Variants in SCRN1 observed in about 807,000 individuals in gnomAD.
SCRN1 encodes secernin-1.
A neutral mutation model predicts 43.3 loss-of-function variants in SCRN1; 19 were observed. That is an observed-to-expected ratio of 0.44 (90% CI 0.31 to 0.64). The LOEUF (loss-of-function observed/expected upper bound fraction) is 0.64, where lower values mean the gene tolerates loss of function less well. Among genes scored for constraint, SCRN1 ranks in the 30% least tolerant of loss-of-function variants. SCRN1 has a pLI of 0.09. For synonymous variants in SCRN1, 183 were observed against 188.9 expected (o/e 0.97, Z 0.26); for missense variants, 447 against 524.1 (o/e 0.85, Z 1.44).
chr7:29,984,826 C>T lies in SCRN1; in HGVS notation c.-2+4816G>A, dbSNP rs1789100834. Among the ~76,000 whole-genome samples, 4 of 139,430 alleles carry T rather than the reference C, an allele frequency of 2.9e-5. No homozygotes were observed. In the South Asian group the frequency reaches 9.1e-4, roughly 32 times the overall value. 91.5% of individuals were successfully genotyped at this position (139,430 alleles called of 152,430 possible). A position where few individuals can be genotyped will look rare whatever the true frequency, so the allele number is the denominator to read the frequency against. ...ATCCCAGCTGCTCAGAAGGTTGGGA[C>T]AGGAGAATCGCTTGAACCTGGGGCA... On this transcript the variant is annotated intron_variant, in intron 1 of 7. Transcript: ENST00000242059.
intron 7 of SCRN1, 128 bp from the exon 8 acceptor site, chr7:29,924,243 C>T: frequency 1.2e-6 from 1 of 830,884 alleles, no homozygotes; most frequent in Non-Finnish European, 1.8e-6. Context: ...CTCCGTTTCA[C>T]ACACGACTGC....
intron 3 of SCRN1, among the ~76,000 whole-genome samples, chr7:29,953,679 G>A (rs1451758976): frequency 6.6e-6 from 1 of 152,116 alleles, no homozygotes; most frequent in Admixed American, 6.5e-5. Context: ...TTATAAGAAT[G>A]AGGAACAGTA....
chr7:29,979,545 T>TA (rs764810607), intron 1 of SCRN1, among the ~76,000 whole-genome samples: 1 of 151,882 alleles, frequency 6.6e-6, no homozygotes, highest in Non-Finnish European at 1.5e-5. Context: ...CATGTCTCAT[T>TA]ACGCCGTGCC....
chr7:29,937,036 ACT>A (rs558766492), intron 5 of SCRN1, among the ~76,000 whole-genome samples: 239 of 152,152 alleles, frequency 1.6e-3, no homozygotes, highest in Non-Finnish European at 2.8e-3. Flanking sequence ...ACAGAGCGAG[ACT>A]CTGTCTCAAA....
At chr7:29,951,617 T>C (rs1465206665) in intron 3 of SCRN1, among the ~76,000 whole-genome samples, 5 of 152,236 alleles carry the variant, frequency 3.3e-5, no homozygotes, top group African/African-American at 1.2e-4. Context: ...TGCAAAAATG[T>C]GTACGTGTCT....
In SCRN1 at chr7:29,936,586, T is replaced by C; in HGVS notation, c.875A>G (p.His292Arg). Reference sequence around the variant, plus strand: ...AGGATCAGGGGTTCCAGTGAAGTAGTGAATGCACGGAGAGCTTCTATTCTG... The same window carrying C: ...AGGATCAGGGGTTCCAGTGAAGTAGCGAATGCACGGAGAGCTTCTATTCTG... ...LPQNRSSPCI[H>R]YFTGTPDPSR... Residue 292 changes from histidine (H) to arginine (R), a missense_variant, in exon 6 of 8, where the codon CAC (histidine) becomes CGC (arginine). Coordinates refer to ENST00000242059, the MANE Select transcript of SCRN1 (RefSeq NM_014766.5). 2 of 1,597,832 alleles carry C rather than the reference T, an allele frequency of 1.3e-6. No individual in the cohort carries two copies. Among genetic ancestry groups the C allele is most frequent in the Non-Finnish European group, 8.6e-7 (1 of 1,167,398 alleles).
At chr7:29,954,924 A>G (rs112286167) in intron 3 of SCRN1, among the ~76,000 whole-genome samples, 95 of 152,076 alleles carry the variant, frequency 6.2e-4, no homozygotes, top group African/African-American at 2.2e-3. Flanking sequence ...CAGGTGATCC[A>G]CCTGCCTCGG....
Position 29,969,023 on chromosome 7 carries a change from T to C in SCRN1, c.45A>G (p.Pro15=). The stretch of plus-strand genomic sequence containing the variant: ...ATACCACCAGACCATCCTTAGCACG[T>C]GGAGGGAAGGCAACAAAACAGTAAC... ...PPSYCFVAFP[P]RAKDGLVVFG... Residue 15 remains proline, a synonymous_variant, in exon 2 of 8, where the codon CCA becomes CCG. Coordinates refer to ENST00000242059, the MANE Select transcript of SCRN1 (RefSeq NM_014766.5). The C allele has an allele frequency of 6.2e-7, 1 of 1,613,456 alleles. No homozygotes were observed. Among genetic ancestry groups the C allele is most frequent in the Non-Finnish European group, 8.5e-7 (1 of 1,179,868 alleles).
intron 1 of SCRN1, among the ~76,000 whole-genome samples, chr7:29,987,633 T>A (rs1583706275): frequency 6.6e-6 from 1 of 152,272 alleles, no homozygotes; most frequent in Admixed American, 6.5e-5. Flanking sequence ...GAAATTAAGG[T>A]GTTGTCATTG....
intron 5 of SCRN1, 101 bp from the exon 6 acceptor site, chr7:29,936,822 G>A (rs1301463829): frequency 3.2e-5 from 28 of 885,698 alleles, no homozygotes; most frequent in African/African-American, 6.8e-5. Flanking sequence ...CGAGGCGGGC[G>A]GATCACGAGG....
At chr7:29,955,067 C>G in intron 3 of SCRN1, 112 bp downstream of exon 3, 1 of 836,616 alleles carries the variant, frequency 1.2e-6, no homozygotes, top group Non-Finnish European at 1.9e-6. Flanking sequence ...AAAAGGCACA[C>G]ATCATCTTTG....
rs780175774 is a variant in SCRN1, at chr7:29,969,099, C to T, written c.-1-31G>A. ...AAGAGAATGCCAGCAAGAGTGGAAG[C>T]AGGCCTCACATGGAACACTCCAACA... is the stretch of plus-strand genomic sequence containing the variant. On this transcript the variant is annotated intron_variant, in intron 1 of 7. Coordinates refer to ENST00000242059, the MANE Select transcript of SCRN1 (RefSeq NM_014766.5). 7 of 1,600,512 alleles carry T rather than the reference C, an allele frequency of 4.4e-6. No individual in the cohort carries two copies. The African/African-American group carries it at 9.4e-5, about 21-fold the overall frequency.
intron 2 of SCRN1, among the ~76,000 whole-genome samples, chr7:29,960,943 A>G (rs921983102): frequency 2.8e-4 from 42 of 152,260 alleles, no homozygotes; most frequent in Admixed American, 9.1e-4. Context: ...CTGAATACAC[A>G]AGGGAAATAC....
At chr7:29,957,066 A>G (rs1181314243) in intron 2 of SCRN1, among the ~76,000 whole-genome samples, 1 of 152,258 alleles carries the variant, frequency 6.6e-6, no homozygotes, top group Non-Finnish European at 1.5e-5. Flanking sequence ...AAAGAATCTC[A>G]GCTTCTTAAG....
intron 1 of SCRN1, among the ~76,000 whole-genome samples, chr7:29,984,696 C>T (rs538120986): frequency 6.7e-6 from 1 of 150,190 alleles, no homozygotes; most frequent in African/African-American, 2.5e-5. Context: ...TTTGGGAAGC[C>T]GAGGTCTTGA....
rs1786748484 is a variant in SCRN1 at position 29,921,294 on chromosome 7, C to G, written c.*2663G>C. On this transcript the variant is annotated 3_prime_UTR_variant, in exon 8 of 8. Coordinates refer to ENST00000242059, the MANE Select transcript of SCRN1 (RefSeq NM_014766.5). ...ATCTTGAATATTCATGTTCCCTATA[C>G]TGCCTTCAGAAAAGCAATCCCTGGT... 1 of 152,574 alleles carries G rather than the reference C, an allele frequency of 6.6e-6. No homozygotes were observed. The highest frequency in any genetic ancestry group is 1.5e-5 in the Non-Finnish European group (1 of 68,040). The allele number at this position is 152,574 out of a possible 1,614,324, so 9.5% of individuals were successfully genotyped here.
In SCRN1 at chr7:29,950,452, GCAGA is replaced by G. The variant is rs1787882773; in HGVS notation, c.341+4723_341+4726del. Among the ~76,000 whole-genome samples the G allele has an allele frequency of 1.3e-5, 2 of 152,354 alleles. No individual in the cohort carries two copies. Among genetic ancestry groups the G allele is most frequent in the Admixed American group, 1.3e-4 (2 of 15,310 alleles). On this transcript the variant is annotated intron_variant, in intron 3 of 7. Transcript: ENST00000242059. The surrounding 1 kb of genome is among the most constrained non-coding windows in gnomAD (Gnocchi z 4.5). Reference sequence around the variant, plus strand: ...ATGGATGGCACGTTGATGGCAGGAGGCAGACAGTTTCCTGGGCGGAAAGGAGCAG... The same window carrying G: ...ATGGATGGCACGTTGATGGCAGGAGGCAGTTTCCTGGGCGGAAAGGAGCAG...
intron 6 of SCRN1, among the ~76,000 whole-genome samples, chr7:29,929,100 GT>G (rs1357820926): frequency 2.0e-5 from 3 of 152,202 alleles, no homozygotes; most frequent in Non-Finnish European, 4.4e-5. Flanking sequence ...AGCACTCGGG[GT>G]TTCCTGGGAA....
chr7:29,977,896 G>A (rs1788880910), intron 1 of SCRN1, among the ~76,000 whole-genome samples: 1 of 152,232 alleles, frequency 6.6e-6, no homozygotes, highest in Non-Finnish European at 1.5e-5. Flanking sequence ...TTGGGACACA[G>A]CAAGGACTCA....
Sources: allele counts gnomAD v4.1 joint callset (sites outside exome capture counted in the v4.1 genomes callset), GRCh38; gene constraint gnomAD v4.1.1; non-coding constraint Gnocchi (gnomAD v3.1); transcripts MANE v1.5; gene names NCBI Gene and HGNC (gene_info 2026-07-23, HGNC 2026-07-21).